The following CDH4 variants were observed in gnomAD, a reference collection of about 807,000 sequenced individuals.
CDH4 encodes the protein cadherin 4.
In CDH4, 33 loss-of-function variants were observed where a neutral mutation model predicts 86.0. The ratio of observed to expected loss-of-function variants is 0.38; its 90% CI spans 0.29 to 0.51. The LOEUF (loss-of-function observed/expected upper bound fraction) is 0.51, where lower values mean the gene tolerates loss of function less well. Among genes scored for constraint, CDH4 ranks in the 20% least tolerant of loss-of-function variants. CDH4 has a pLI of 0.86. For synonymous variants in CDH4, 555 were observed against 549.4 expected, an observed-to-expected ratio of 1.01 and a Z score of -0.14; for missense variants, 1,114 against 1,307.4, an observed-to-expected ratio of 0.85 and a Z score of 2.28.
chr20:61,862,858 G>A (rs904854653), intron 6 of CDH4, among the ~76,000 whole-genome samples: 4 of 152,118 alleles, frequency 2.6e-5, no homozygotes, highest in African/African-American at 9.7e-5. Flanking sequence ...GGAAATCTGC[G>A]TGCTGCAAAT....
chr20:61,457,431 G>C (rs868365696), intron 2 of CDH4, among the ~76,000 whole-genome samples: 2 of 152,236 alleles, frequency 1.3e-5, no homozygotes, highest in African/African-American at 2.4e-5. Context: ...CCCAAAGCAG[G>C]TGAAATTTGG....
intron 2 of CDH4, among the ~76,000 whole-genome samples, chr20:61,335,861 G>A (rs755930708): frequency 6.6e-6 from 1 of 152,198 alleles, no homozygotes; most frequent in Non-Finnish European, 1.5e-5. Context: ...TCTACCCACT[G>A]ATGACTGTTT....
At position 61,392,291 on chromosome 20, in the gene CDH4, G is replaced by C. The variant is rs1159810810; in HGVS notation, c.169+137354G>C. On this transcript the variant is annotated intron_variant, in intron 2 of 15. Coordinates refer to ENST00000614565, the MANE Select transcript of CDH4 (RefSeq NM_001794.5). The surrounding 1 kb of genome is among the most constrained non-coding windows in gnomAD (Gnocchi z 5.7). ...CGAGGCAGATCCTTCCACCAAACGA[G>C]TGTTTTGCTGTCAGGACGCAGCCTC... 6.6e-6 allele frequency among the ~76,000 whole-genome samples: 1 copy of C among 152,026 alleles called. No individual in the cohort carries two copies. The highest frequency in any genetic ancestry group is 2.4e-5 in the African/African-American group (1 of 41,396).
At chr20:61,693,983 C>G (rs2145876289) in intron 2 of CDH4, among the ~76,000 whole-genome samples, 1 of 150,608 alleles carries the variant, frequency 6.6e-6, no homozygotes, top group Non-Finnish European at 1.5e-5. Flanking sequence ...ACCTCCACCT[C>G]CCAGGTTCAA....
At chr20:61,525,415 T>C (rs931300899) in intron 2 of CDH4, among the ~76,000 whole-genome samples, 1 of 152,140 alleles carries the variant, frequency 6.6e-6, no homozygotes, top group Non-Finnish European at 1.5e-5. Context: ...GGAAGCGGGC[T>C]GTGCTCACCT....
rs1285773464 is a variant in CDH4 at position 61,565,230 on chromosome 20, G to C, written c.170-178333G>C. Among the ~76,000 whole-genome samples the C allele has an allele frequency of 3.9e-4, 12 of 30,618 alleles. 3 individuals are homozygous for C. Among genetic ancestry groups the C allele is most frequent in the Non-Finnish European group, 7.0e-4 (11 of 15,766 alleles). 20.1% of individuals were successfully genotyped at this position (30,618 alleles called of 152,430 possible). A position where few individuals can be genotyped will look rare whatever the true frequency, so the allele number is the denominator to read the frequency against. On this transcript the variant is annotated intron_variant, in intron 2 of 15. Coordinates refer to ENST00000614565, the MANE Select transcript of CDH4 (RefSeq NM_001794.5). ...GCGGTGCTCTCGGTGGTAGGTGGTG[G>C]TGGTGGTGGTGGCGGTGCTCTTGGT...
intron 2 of CDH4, among the ~76,000 whole-genome samples, chr20:61,429,805 A>G (rs2085235915): frequency 6.9e-6 from 1 of 145,656 alleles, no homozygotes; most frequent in African/African-American, 2.6e-5. Flanking sequence ...AAAGATGGAT[A>G]GGTAGATGGT....
At chr20:61,563,201 C>T (rs559307464) in intron 2 of CDH4, among the ~76,000 whole-genome samples, 4 of 152,260 alleles carry the variant, frequency 2.6e-5, no homozygotes, top group South Asian at 2.1e-4. Context: ...CACTGCCCAG[C>T]GGCAGCTCTG....
intron 2 of CDH4, among the ~76,000 whole-genome samples, chr20:61,284,562 C>T (rs555405944): frequency 1.3e-5 from 2 of 152,296 alleles, no homozygotes; most frequent in Admixed American, 6.5e-5. Context: ...GAGTTTGTCC[C>T]TAAGTGTTTA....
intron 2 of CDH4, among the ~76,000 whole-genome samples, chr20:61,267,376 C>T (rs1385578350): frequency 6.6e-6 from 1 of 152,168 alleles, no homozygotes; most frequent in Non-Finnish European, 1.5e-5. Context: ...CCAGGGGCTG[C>T]ATCCCTTGAG....
intron 4 of CDH4, among the ~76,000 whole-genome samples, chr20:61,776,658 T>C (rs2056595076): frequency 6.6e-6 from 1 of 152,228 alleles, no homozygotes; most frequent in Non-Finnish European, 1.5e-5. Flanking sequence ...CGAGCTGCAC[T>C]GCAGCATTTC....
intron 2 of CDH4, among the ~76,000 whole-genome samples, chr20:61,508,098 A>T (rs997892641): frequency 1.3e-5 from 2 of 152,222 alleles, no homozygotes; most frequent in African/African-American, 4.8e-5. Flanking sequence ...TTCATGTTGT[A>T]CAAACATAAG....
intron 2 of CDH4, among the ~76,000 whole-genome samples, chr20:61,604,309 G>A (rs999650744): frequency 1.3e-5 from 2 of 152,236 alleles, no homozygotes; most frequent in African/African-American, 2.4e-5. Context: ...GGCGGCAGCC[G>A]CAGCGCCTGT....
chr20:61,451,780 G>A lies in CDH4; in HGVS notation c.169+196843G>A, dbSNP rs2085382355. On this transcript the variant is annotated intron_variant, in intron 2 of 15. Transcript: ENST00000614565. ...GACAGGGCAGGAGGGCTCCCTGGCC[G>A]TGGTGTGCCAGGGATCCCAGCATAC... 3.9e-5 allele frequency among the ~76,000 whole-genome samples: 6 copies of A among 152,220 alleles called. No individual in the cohort carries two copies. The South Asian group carries it at 8.3e-4, about 21-fold the overall frequency.
rs1016649756 is a variant in CDH4, at chr20:61,582,124, G to A, written c.170-161439G>A. On this transcript the variant is annotated intron_variant, in intron 2 of 15. Coordinates refer to ENST00000614565, the MANE Select transcript of CDH4 (RefSeq NM_001794.5). This position sits in a 1 kb window ranked among gnomAD's most constrained non-coding sequence, Gnocchi z 4.2. The stretch of plus-strand genomic sequence containing the variant: ...CTCGTGGCCATCATTACCATTGGCG[G>A]CATGCTGCCCATGCCTTGTGTGTGC... 2.0e-5 allele frequency among the ~76,000 whole-genome samples: 3 copies of A among 152,200 alleles called. No homozygotes were observed. Among genetic ancestry groups the A allele is most frequent in the African/African-American group, 7.2e-5 (3 of 41,450 alleles).
chr20:61,592,094 A>G (rs1029834477), intron 2 of CDH4, among the ~76,000 whole-genome samples: 3 of 152,188 alleles, frequency 2.0e-5, no homozygotes, highest in African/African-American at 7.2e-5. Context: ...CAGGTTTTCC[A>G]CAAAGAAGTG....
intron 2 of CDH4, among the ~76,000 whole-genome samples, chr20:61,602,243 G>A (rs556734549): frequency 5.3e-5 from 8 of 152,266 alleles, no homozygotes; most frequent in African/African-American, 7.2e-5. Context: ...ACATTTTATC[G>A]CAAGGTTCTT....
At chr20:61,524,276 C>A (rs577050119) in intron 2 of CDH4, among the ~76,000 whole-genome samples, 1 of 152,130 alleles carries the variant, frequency 6.6e-6, no homozygotes, top group Non-Finnish European at 1.5e-5. Flanking sequence ...TTTAAAAATA[C>A]CCAAAGGAGG....
At chr20:61,378,552 T>C (rs76983633) in intron 2 of CDH4, among the ~76,000 whole-genome samples, 112 of 152,314 alleles carry the variant, frequency 7.4e-4, no homozygotes, top group South Asian at 7.3e-3. Context: ...TCTCCTCTCA[T>C]CTGTGTGTCC....
Sources: gnomAD v4.1 joint callset for allele counts (sites outside exome capture counted in the v4.1 genomes callset) on GRCh38, gnomAD v4.1.1 for gene constraint, Gnocchi (gnomAD v3.1) non-coding constraint, MANE v1.5 for transcripts, NCBI Gene and HGNC (gene_info 2026-07-23, HGNC 2026-07-21) for gene names.